Variants in GARNL3 observed in about 807,000 individuals in gnomAD.
GARNL3 encodes GTPase activating Rap/RanGAP domain like 3.
GARNL3 carries 63 observed loss-of-function variants against 125.0 expected under a neutral mutation model. That is an observed-to-expected ratio of 0.50 (90% CI 0.41 to 0.62). The LOEUF is 0.62. GARNL3 is among the 20% of genes least tolerant of loss of function. The probability of loss-of-function intolerance (pLI) is 0.00; values close to 1 mark genes in which losing one functional copy is unlikely to be tolerated. For missense variants in GARNL3, 994 were observed against 1,244.0 expected (o/e 0.80, Z 3.02); for synonymous variants, 439 against 457.5 (o/e 0.96, Z 0.52).
rs186767057 is a variant in GARNL3 at position 127,337,645 on chromosome 9, A to G, written c.983-471A>G. ...TGCTCAGAATCTGCCACCAGCTACA[A>G]CAGGCTTGTTTTGTTTTGTCTACCA... On this transcript the variant is annotated intron_variant, in intron 11 of 27. Coordinates refer to ENST00000373387, the MANE Select transcript of GARNL3 (RefSeq NM_032293.5). Among the ~76,000 whole-genome samples, 236 of 152,348 alleles carry G rather than the reference A, an allele frequency of 1.5e-3. 1 individual carries two copies. The highest frequency in any genetic ancestry group is 3.7e-4 in the Non-Finnish European group (25 of 68,024).
chr9:127,371,808 A>G (rs1831622212), intron 22 of GARNL3, among the ~76,000 whole-genome samples: 1 of 152,254 alleles, frequency 6.6e-6, no homozygotes, highest in Admixed American at 6.5e-5. Flanking sequence ...AACAAAATAA[A>G]GAATCCAGAA....
chr9:127,243,904 T>C (rs1393178357), intron 2 of GARNL3, among the ~76,000 whole-genome samples: 1 of 152,186 alleles, frequency 6.6e-6, no homozygotes, highest in Non-Finnish European at 1.5e-5. Flanking sequence ...GAGGGGTACT[T>C]AGTTTTCCAG....
intron 21 of GARNL3, among the ~76,000 whole-genome samples, chr9:127,361,271 A>AAG (rs61658215): frequency 0.18 from 26,575 of 149,120 alleles, 2,713 homozygotes; most frequent in East Asian, 0.48. Flanking sequence ...TATTTTTTTT[A>AAG]AGAGAGAGAG....
At chr9:127,299,126 C>G (rs917123505) in intron 2 of GARNL3, among the ~76,000 whole-genome samples, 4 of 151,972 alleles carry the variant, frequency 2.6e-5, no homozygotes, top group African/African-American at 9.7e-5. Context: ...ACCATCCTGG[C>G]TAACATGGTG....
rs146130757 is a variant in GARNL3 at position 127,230,847 on chromosome 9, G to A, written c.-29+6509G>A. On this transcript the variant is annotated intron_variant, in intron 1 of 10. Coordinates refer to the GARNL3 transcript ENST00000439286. ...GAGGAGGTGAGGAAAAGGACAATAG[G>A]TACCTAGGGAAATGGTTAGGATTGG... Among the ~76,000 whole-genome samples the A allele has an allele frequency of 5.9e-5, 9 of 151,352 alleles. No individual in the cohort carries two copies. The South Asian group carries it at 1.3e-3, about 21-fold the overall frequency.
At chr9:127,368,620 T>C (rs1297349181) in intron 22 of GARNL3, among the ~76,000 whole-genome samples, 1 of 148,198 alleles carries the variant, frequency 6.7e-6, no homozygotes, top group Non-Finnish European at 1.5e-5. Context: ...CGTGAACCAC[T>C]GTGCCCACCC....
At chr9:127,335,426 A>G in intron 10 of GARNL3, 93 bp downstream of exon 10, 1 of 1,027,292 alleles carries the variant, frequency 9.7e-7, no homozygotes, top group Non-Finnish European at 1.5e-6. Context: ...GCCGGTTAAC[A>G]TATGAGCTGA....
chr9:127,229,560 A>G (rs1479296937), intron 1 of GARNL3, among the ~76,000 whole-genome samples: 1 of 152,176 alleles, frequency 6.6e-6, no homozygotes, highest in African/African-American at 2.4e-5. Context: ...CAGTGGCATA[A>G]TCATAGCTCA....
chr9:127,365,858 G>A (rs10819280), intron 22 of GARNL3, among the ~76,000 whole-genome samples: 22,295 of 152,014 alleles, frequency 0.15, 1,944 homozygotes, highest in South Asian at 0.33. Context: ...AACCACTGTC[G>A]CTATTCTACA....
chr9:127,337,044 G>T (rs1829592145), intron 11 of GARNL3, among the ~76,000 whole-genome samples: 1 of 152,226 alleles, frequency 6.6e-6, no homozygotes, highest in South Asian at 2.1e-4. Context: ...ACTTGGACTT[G>T]TTCCTTGTGA....
intron 2 of GARNL3, among the ~76,000 whole-genome samples, chr9:127,310,789 A>T (rs1401500027): frequency 6.6e-6 from 1 of 151,968 alleles, no homozygotes; most frequent in Non-Finnish European, 1.5e-5. Context: ...AAAAAAAAAA[A>T]AAAATACATT....
upstream of GARNL3, chr9:127,263,905 C>T: frequency 1.4e-6 from 2 of 1,452,988 alleles, no homozygotes; most frequent in South Asian, 1.4e-5. Flanking sequence ...AGTCAGTTCT[C>T]TGGTTGCTAA....
chr9:127,390,617 TCTGA>T lies in GARNL3; in HGVS notation c.2744-22_2744-19del. ...CGTGGCAGCCCTGTGGTAGTGACCCTCTGACCTATGATTCTCAATCCAGGCCTCT... is the reference window on the plus strand; with the variant it reads ...CGTGGCAGCCCTGTGGTAGTGACCCTCCTATGATTCTCAATCCAGGCCTCT... On this transcript the variant is annotated intron_variant, in intron 26 of 27. Coordinates refer to ENST00000373387, the MANE Select transcript of GARNL3 (RefSeq NM_032293.5). The T allele has an allele frequency of 6.2e-7, 1 of 1,612,816 alleles. No individual in the cohort carries two copies. Among genetic ancestry groups the T allele is most frequent in the Middle Eastern group, 1.7e-4 (1 of 6,052 alleles).
chr9:127,279,853 A>G (rs539724039), intron 1 of GARNL3, among the ~76,000 whole-genome samples: 1 of 152,202 alleles, frequency 6.6e-6, no homozygotes, highest in South Asian at 2.1e-4. Context: ...GCTCTCAGCT[A>G]TCATTGTTCA....
At position 127,333,113 on chromosome 9, in the gene GARNL3, A is replaced by G. The variant is rs1452041135; in HGVS notation, c.761A>G (p.Asp254Gly). 2 of 1,612,280 alleles carry G rather than the reference A, an allele frequency of 1.2e-6. No individual in the cohort carries two copies. Among genetic ancestry groups the G allele is most frequent in the Non-Finnish European group, 1.7e-6 (2 of 1,178,454 alleles). Reference protein sequence around the residue: ...KGWTGYRGGLDTKNDTTGIHS... With the variant: ...KGWTGYRGGLGTKNDTTGIHS... ...TGGACGGGCTACCGTGGCGGTCTGG[A>G]TACCAAAAGTAAGCCTGCCTCTTGA... The change falls in exon 9 of 28, where the codon GAT becomes GGT. Residue 254 changes from aspartate to glycine, a missense_variant. Physicochemically the swap from Asp to Gly is moderately conservative, Grantham distance 94 (BLOSUM62 -1). Coordinates refer to ENST00000373387, the MANE Select transcript of GARNL3 (RefSeq NM_032293.5).
chr9:127,246,931 C>CTTTTTTTTTTT (rs35410163), intron 2 of GARNL3, among the ~76,000 whole-genome samples: 1 of 99,268 alleles, frequency 1.0e-5, no homozygotes, highest in Non-Finnish European at 1.9e-5. Flanking sequence ...GACCTTCCTT[C>CTTTTTTTTTTT]TTTTTTTTTT....
chr9:127,333,159 A>G, intron 9 of GARNL3, 38 bp downstream of exon 9: 9 of 1,533,452 alleles, frequency 5.9e-6, no homozygotes, highest in South Asian at 2.2e-5. Flanking sequence ...TGTAATTTGT[A>G]TAACTTTTGT....
intron 24 of GARNL3, 157 bp from the exon 25 acceptor site, chr9:127,387,036 A>C (rs1339822276): frequency 3.1e-6 from 2 of 649,510 alleles, no homozygotes; most frequent in Non-Finnish European, 5.1e-6. Context: ...GCTTTCCTCC[A>C]GAAGGCTCTC....
rs768363355 is a variant in GARNL3 at position 127,357,236 on chromosome 9, C to T, written c.1953C>T (p.Asp651=). Residue 651 remains aspartate, a synonymous_variant, in exon 21 of 28, where the codon GAC becomes GAT. Coordinates refer to ENST00000373387, the MANE Select transcript of GARNL3 (RefSeq NM_032293.5). ...CCACACAGGAGATCTGTCTGTCTGA[C>T]TCTCCCATGGTGATGACCTTAGTGG... ...FQYIREICLS[D]SPMVMTLVDG... is the part of the protein sequence containing the mutation. 1 of 1,614,210 alleles carries T rather than the reference C, an allele frequency of 6.2e-7. No individual in the cohort carries two copies. The highest frequency in any genetic ancestry group is 8.5e-7 in the Non-Finnish European group (1 of 1,180,004).
Sources: gnomAD v4.1 joint callset for allele counts (sites outside exome capture counted in the v4.1 genomes callset) on GRCh38, gnomAD v4.1.1 for gene constraint, MANE v1.5 for transcripts, NCBI Gene and HGNC (gene_info 2026-07-23, HGNC 2026-07-21) for gene names.